Variants in SLC25A21 observed in about 807,000 individuals in gnomAD.
The protein encoded by SLC25A21 is solute carrier family 25 member 21, also known as mitochondrial 2-oxodicarboxylate carrier.
In SLC25A21, 47 loss-of-function variants were observed where a neutral mutation model predicts 43.8. The observed-to-expected ratio is 1.07, with a 90% CI of 0.85 to 1.37. The LOEUF (loss-of-function observed/expected upper bound fraction) is 1.37, where lower values mean the gene tolerates loss of function less well. Among genes scored for constraint, SLC25A21 ranks in the 40% most tolerant of loss-of-function variants. The probability of loss-of-function intolerance (pLI) is 0.00; values close to 1 mark genes in which losing one functional copy is unlikely to be tolerated. For missense variants in SLC25A21, 352 were observed against 350.2 expected (o/e 1.00, Z -0.04); for synonymous variants, 131 against 121.3 (o/e 1.08, Z -0.52).
chr14:37,168,788 G>C (rs929266936), intron 1 of SLC25A21, among the ~76,000 whole-genome samples: 2 of 152,078 alleles, frequency 1.3e-5, no homozygotes, highest in Admixed American at 6.6e-5. Context: ...AGGACACCAG[G>C]GGAACACAAG....
chr14:36,845,523 C>G (rs1489676056), intron 2 of SLC25A21, among the ~76,000 whole-genome samples: 1 of 152,214 alleles, frequency 6.6e-6, no homozygotes, highest in Admixed American at 6.5e-5. Context: ...TTACACACAG[C>G]AGATGTGTAA....
intron 1 of SLC25A21, among the ~76,000 whole-genome samples, chr14:37,022,562 T>A (rs1346368814): frequency 6.6e-6 from 1 of 151,992 alleles, no homozygotes; most frequent in Admixed American, 6.6e-5. Context: ...CCAATCATCA[T>A]CCTAGTATGA....
At chr14:36,773,643 T>C (rs1886709425) in intron 3 of SLC25A21, among the ~76,000 whole-genome samples, 1 of 152,226 alleles carries the variant, frequency 6.6e-6, no homozygotes, top group South Asian at 2.1e-4. Context: ...TAGTAACATT[T>C]TCTGAATTAC....
chr14:36,884,490 C>T (rs1046944503), intron 1 of SLC25A21, among the ~76,000 whole-genome samples: 2 of 152,136 alleles, frequency 1.3e-5, no homozygotes, highest in South Asian at 4.1e-4. Context: ...GATATACACC[C>T]AGAAGTGGGA....
intron 1 of SLC25A21, among the ~76,000 whole-genome samples, chr14:37,077,937 T>C (rs912451623): frequency 3.3e-5 from 5 of 152,194 alleles, no homozygotes; most frequent in African/African-American, 1.2e-4. Context: ...TATAGACATT[T>C]TAAAAATTTT....
chr14:37,171,183 A>G (rs1445131153), intron 1 of SLC25A21, among the ~76,000 whole-genome samples: 1 of 151,484 alleles, frequency 6.6e-6, no homozygotes, highest in Non-Finnish European at 1.5e-5. Flanking sequence ...CCTGTAAGCA[A>G]TGAATGGCTC....
chr14:37,143,155 T>G (rs757318558), intron 1 of SLC25A21, among the ~76,000 whole-genome samples: 1 of 152,198 alleles, frequency 6.6e-6, no homozygotes, highest in Admixed American at 6.5e-5. Context: ...TAATGGAAAG[T>G]TTTACATACT....
At chr14:36,893,139 G>T (rs542666723) in intron 1 of SLC25A21, among the ~76,000 whole-genome samples, 1 of 152,256 alleles carries the variant, frequency 6.6e-6, no homozygotes, top group South Asian at 2.1e-4. Context: ...CTTCCACAAT[G>T]GTTGAACTAG....
At chr14:36,876,030 A>C (rs554921171) in intron 1 of SLC25A21, among the ~76,000 whole-genome samples, 94 of 152,324 alleles carry the variant, frequency 6.2e-4, no homozygotes, top group Non-Finnish European at 1.2e-3. Flanking sequence ...TATCATTATC[A>C]TCTTTCCTTT....
intron 1 of SLC25A21, among the ~76,000 whole-genome samples, chr14:36,982,600 A>G (rs1302298044): frequency 1.3e-5 from 2 of 152,086 alleles, no homozygotes; most frequent in African/African-American, 4.8e-5. Context: ...GGATTGCTTG[A>G]GCTCAGGAGT....
intron 1 of SLC25A21, among the ~76,000 whole-genome samples, chr14:37,057,211 G>C (rs1352995981): frequency 1.3e-5 from 2 of 152,122 alleles, no homozygotes; most frequent in Non-Finnish European, 2.9e-5. Context: ...AGCTTTTGCA[G>C]TTTTGACGTT....
intron 1 of SLC25A21, among the ~76,000 whole-genome samples, chr14:36,896,733 G>A (rs1891250424): frequency 6.6e-6 from 1 of 152,132 alleles, no homozygotes; most frequent in African/African-American, 2.4e-5. Context: ...GGGCAGGCCT[G>A]GTGGTGACAA....
At chr14:36,962,485 T>C (rs1171405922) in intron 1 of SLC25A21, among the ~76,000 whole-genome samples, 6 of 152,164 alleles carry the variant, frequency 3.9e-5, no homozygotes, top group Non-Finnish European at 8.8e-5. Context: ...TCATTTCCTC[T>C]CCCTGCCACC....
intron 1 of SLC25A21, among the ~76,000 whole-genome samples, chr14:36,954,236 A>C (rs1959269791): frequency 6.6e-6 from 1 of 152,098 alleles, no homozygotes; most frequent in South Asian, 2.1e-4. Context: ...TTTCTTCTCC[A>C]CACCCTTTTA....
chr14:36,883,027 G>A (rs776348068), intron 1 of SLC25A21, among the ~76,000 whole-genome samples: 2 of 152,042 alleles, frequency 1.3e-5, no homozygotes, highest in Middle Eastern at 3.4e-3. Flanking sequence ...GCAGATCAAT[G>A]GTAGCAGGCC....
At chr14:36,690,198 C>A (rs1005275673) in intron 7 of SLC25A21, among the ~76,000 whole-genome samples, 7 of 151,974 alleles carry the variant, frequency 4.6e-5, no homozygotes, top group Non-Finnish European at 7.4e-5. Context: ...AAATTAATAG[C>A]AAAAGTAAAT....
chr14:36,862,595 A>T (rs1555333063), intron 2 of SLC25A21, among the ~76,000 whole-genome samples: 2 of 151,474 alleles, frequency 1.3e-5, no homozygotes, highest in Non-Finnish European at 2.9e-5. Flanking sequence ...AACAACACAC[A>T]CTGGGGCCTT....
intron 3 of SLC25A21, among the ~76,000 whole-genome samples, chr14:36,747,641 C>T (rs1885549275): frequency 6.6e-6 from 1 of 152,160 alleles, no homozygotes; most frequent in African/African-American, 2.4e-5. Flanking sequence ...ACGTTTGAAG[C>T]CAAAGATGCC....
intron 1 of SLC25A21, among the ~76,000 whole-genome samples, chr14:37,150,648 A>C (rs1372188570): frequency 1.3e-5 from 2 of 152,220 alleles, no homozygotes; most frequent in Non-Finnish European, 2.9e-5. Flanking sequence ...GAAAATAAAA[A>C]GCAAATCACC....
Sources: gnomAD v4.1 joint callset for allele counts (sites outside exome capture counted in the v4.1 genomes callset) on GRCh38, gnomAD v4.1.1 for gene constraint, MANE v1.5 for transcripts, NCBI Gene and HGNC (gene_info 2026-07-23, HGNC 2026-07-21) for gene names.